CRIM1: variants seen among roughly 807,000 people sequenced by gnomAD.
CRIM1 encodes the protein cysteine-rich motor neuron 1 protein.
A neutral mutation model predicts 116.4 loss-of-function variants in CRIM1; 32 were observed. The observed-to-expected ratio is 0.27, with a 90% CI of 0.21 to 0.37. The LOEUF is 0.37. CRIM1 is among the 10% of genes least tolerant of loss of function. The pLI, the probability that CRIM1 is intolerant of heterozygous loss-of-function variation, is 1.00. For missense variants in CRIM1, 1,331 were observed against 1,354.8 expected (o/e 0.98, Z 0.28); for synonymous variants, 590 against 509.2 (o/e 1.16, Z -2.13).
intron 2 of CRIM1, 141 bp downstream of exon 2, chr2:36,396,928 A>T (rs1488297656): frequency 2.9e-5 from 20 of 691,632 alleles, no homozygotes; most frequent in Non-Finnish European, 4.4e-5. Context: ...AAGATGCATA[A>T]AGTTTACCAG....
At chr2:36,373,045 A>C (rs377694289) in intron 1 of CRIM1, among the ~76,000 whole-genome samples, 32 of 152,212 alleles carry the variant, frequency 2.1e-4, no homozygotes, top group Middle Eastern at 3.2e-3. Flanking sequence ...CTTCCTAGGC[A>C]GGTATGTTTT....
chr2:36,424,097 A>G (rs1157211440), intron 2 of CRIM1, among the ~76,000 whole-genome samples: 1 of 152,252 alleles, frequency 6.6e-6, no homozygotes, highest in East Asian at 1.9e-4. Flanking sequence ...CTACAAGGAA[A>G]CAAAAATGTA....
chr2:36,548,252 A>G (rs1307188286), intron 16 of CRIM1, among the ~76,000 whole-genome samples: 1 of 148,768 alleles, frequency 6.7e-6, no homozygotes, highest in Non-Finnish European at 1.5e-5. Context: ...AAGGATTTGA[A>G]ATCATTTCAC....
chr2:36,547,017 A>C lies in CRIM1; in HGVS notation c.2780A>C (p.Asn927Thr). The C allele has an allele frequency of 1.2e-6, 2 of 1,612,584 alleles. No individual in the cohort carries two copies. Among genetic ancestry groups the C allele is most frequent in the South Asian group, 1.1e-5 (1 of 90,882 alleles). ...MGHLQVDYRD[N>T]RLHPSEDSSL... The stretch of plus-strand genomic sequence containing the variant: ...CACCTCCAGGTAGATTACAGAGATA[A>C]CAGGCTGCACCCAAGTGAAGATTCT... The change falls in exon 16 of 17, where the codon AAC becomes ACC. Residue 927 changes from asparagine (N) to threonine (T), a missense_variant. Coordinates refer to ENST00000280527, the MANE Select transcript of CRIM1 (RefSeq NM_016441.3).
intron 14 of CRIM1, 58 bp from the exon 15 acceptor site, chr2:36,544,318 A>G: frequency 4.6e-6 from 6 of 1,310,554 alleles, no homozygotes; most frequent in Non-Finnish European, 4.9e-6. Context: ...TTGAGAATAC[A>G]AAAGCCAACA....
chr2:36,404,676 C>G (rs1020214698), intron 2 of CRIM1, among the ~76,000 whole-genome samples: 1 of 152,170 alleles, frequency 6.6e-6, no homozygotes, highest in South Asian at 2.1e-4. Flanking sequence ...TTTCAATATA[C>G]TATGGGAGCT....
rs531662128 is a variant in CRIM1 at position 36,407,705 on chromosome 2, A to G, written c.505+10918A>G. Among the ~76,000 whole-genome samples the G allele has an allele frequency of 1.6e-4, 16 of 101,368 alleles. No individual in the cohort carries two copies. In the South Asian group the frequency reaches 5.0e-3, roughly 32 times the overall value. 66.5% of individuals were successfully genotyped at this position (101,368 alleles called of 152,430 possible). A position where few individuals can be genotyped will look rare whatever the true frequency, so the allele number is the denominator to read the frequency against. ...TTGTTGTGATTTCTTGTGCCCGTCA[A>G]AAAAAAAAAAAAAAAAGGAAGTCAC... is the stretch of plus-strand genomic sequence containing the variant. On this transcript the variant is annotated intron_variant, in intron 2 of 16. Coordinates refer to ENST00000280527, the MANE Select transcript of CRIM1 (RefSeq NM_016441.3).
chr2:36,536,121 G>T (rs1666535723), intron 13 of CRIM1, among the ~76,000 whole-genome samples: 1 of 152,190 alleles, frequency 6.6e-6, no homozygotes, highest in Non-Finnish European at 1.5e-5. Flanking sequence ...CACAAACTGG[G>T]TCTTCATAGA....
intron 2 of CRIM1, among the ~76,000 whole-genome samples, chr2:36,439,964 A>C (rs967461784): frequency 6.6e-6 from 1 of 152,174 alleles, no homozygotes; most frequent in East Asian, 1.9e-4. Context: ...GTTTCAGTGA[A>C]TTTACTAGAA....
Position 36,441,260 on chromosome 2 carries a change from G to T in CRIM1, c.508G>T (p.Glu170Ter). The T allele has an allele frequency of 6.2e-7, 1 of 1,614,176 alleles. No individual in the cohort carries two copies. Among genetic ancestry groups the T allele is most frequent in the Non-Finnish European group, 8.5e-7 (1 of 1,180,018 alleles). Residue 170 changes from glutamate to a stop codon, truncating the protein, a stop_gained and splice_region_variant, in exon 3 of 17, where the codon GAG (glutamate) becomes TAG (stop). Transcript: ENST00000280527. LOFTEE classifies it high-confidence loss of function. Reference sequence around the variant, plus strand: ...TAAATTCTTTCTCTCCCTTTTAGAAGAGAAGCCAGATTGCTCCAAGGCCCG... The same window carrying T: ...TAAATTCTTTCTCTCCCTTTTAGAATAGAAGCCAGATTGCTCCAAGGCCCG... ...CLSALKRIEE[E>*]KPDCSKARCE...
intron 7 of CRIM1, among the ~76,000 whole-genome samples, chr2:36,483,685 A>G (rs984570311): frequency 6.6e-6 from 1 of 152,182 alleles, no homozygotes; most frequent in Admixed American, 6.5e-5. Flanking sequence ...TTGAATCCCT[A>G]AAACAACATG....
chr2:36,535,171 AGGAG>A (rs571861308), intron 13 of CRIM1, among the ~76,000 whole-genome samples: 145 of 86,940 alleles, frequency 1.7e-3, no homozygotes, highest in Middle Eastern at 0.016. Context: ...GAAGGAGGAC[AGGAG>A]GGAGGGAGGG....
chr2:36,418,899 C>A (rs535961589), intron 2 of CRIM1, among the ~76,000 whole-genome samples: 3 of 152,148 alleles, frequency 2.0e-5, no homozygotes, highest in Admixed American at 6.5e-5. Context: ...ATGGTCCCAG[C>A]GCTGTCTTAG....
intron 4 of CRIM1, among the ~76,000 whole-genome samples, chr2:36,458,849 G>C (rs1677355308): frequency 6.6e-6 from 1 of 152,130 alleles, no homozygotes; most frequent in Non-Finnish European, 1.5e-5. Flanking sequence ...TCACTTTATG[G>C]ATGAGAAAAC....
intron 4 of CRIM1, among the ~76,000 whole-genome samples, chr2:36,456,358 A>C (rs1222871476): frequency 6.6e-6 from 1 of 152,198 alleles, no homozygotes; most frequent in Non-Finnish European, 1.5e-5. Flanking sequence ...CATTGTTCCA[A>C]AGCATCTATT....
intron 12 of CRIM1, among the ~76,000 whole-genome samples, chr2:36,520,257 T>C (rs1175265066): frequency 6.6e-6 from 1 of 152,246 alleles, no homozygotes; most frequent in African/African-American, 2.4e-5. Context: ...TTCACTGTCA[T>C]TCCATAGCTT....
intron 4 of CRIM1, among the ~76,000 whole-genome samples, chr2:36,453,504 G>A (rs1174978075): frequency 1.3e-5 from 2 of 152,120 alleles, no homozygotes; most frequent in Non-Finnish European, 2.9e-5. Flanking sequence ...ACCTAGCACG[G>A]GTAAGTAATG....
intron 10 of CRIM1, 32 bp downstream of exon 10, chr2:36,512,426 A>C: frequency 6.4e-7 from 1 of 1,574,526 alleles, no homozygotes; most frequent in Non-Finnish European, 8.7e-7. Flanking sequence ...TTCCCCCTCA[A>C]AGCAGCCAGG....
chr2:36,530,662 T>G (rs1478978715), intron 13 of CRIM1, among the ~76,000 whole-genome samples: 1 of 152,234 alleles, frequency 6.6e-6, no homozygotes, highest in Non-Finnish European at 1.5e-5. Flanking sequence ...ATGTCATTGG[T>G]AATACTTGGC....
Sources: allele counts gnomAD v4.1 joint callset (sites outside exome capture counted in the v4.1 genomes callset), GRCh38; gene constraint gnomAD v4.1.1; transcripts MANE v1.5; gene names NCBI Gene and HGNC (gene_info 2026-07-23, HGNC 2026-07-21).